CNTNAP2: variants seen among roughly 807,000 people sequenced by gnomAD.
The protein encoded by CNTNAP2 is contactin associated protein 2.
In CNTNAP2, 98 loss-of-function variants were observed where a neutral mutation model predicts 155.2. The observed-to-expected ratio is 0.63, with a 90% CI of 0.54 to 0.75. CNTNAP2 has a LOEUF of 0.75. Among genes scored for constraint, CNTNAP2 ranks in the 30% least tolerant of loss-of-function variants. CNTNAP2 has a pLI of 0.00. For missense variants in CNTNAP2, 1,727 were observed against 1,688.1 expected, an observed-to-expected ratio of 1.02 and a Z score of -0.40; for synonymous variants, 651 against 631.2, an observed-to-expected ratio of 1.03 and a Z score of -0.47.
chr7:147,507,207 G>A (rs1798921920), intron 11 of CNTNAP2, among the ~76,000 whole-genome samples: 1 of 152,102 alleles, frequency 6.6e-6, no homozygotes, highest in African/African-American at 2.4e-5. Flanking sequence ...TAATATTAGT[G>A]TTTGTAGGTG....
chr7:147,307,591 C>CA (rs1435355102), intron 9 of CNTNAP2, among the ~76,000 whole-genome samples: 3 of 86,308 alleles, frequency 3.5e-5, no homozygotes, highest in African/African-American at 1.8e-4. Context: ...ACCCCACCTG[C>CA]CCCCCCAAAA....
chr7:147,751,714 A>G lies in CNTNAP2; in HGVS notation c.2098+112408A>G, dbSNP rs142715396. Among the ~76,000 whole-genome samples the G allele has an allele frequency of 2.6e-5, 4 of 152,376 alleles. No homozygotes were observed. The East Asian group carries it at 7.7e-4, about 29-fold the overall frequency. On this transcript the variant is annotated intron_variant, in intron 13 of 23. Transcript: ENST00000361727. ...ACGACATCAAAAATATACACAGCCT[A>G]TGATAATCACAGCCCCGAACTTGGA... is the stretch of plus-strand genomic sequence containing the variant.
At chr7:146,337,323 G>A (rs1050195612) in intron 1 of CNTNAP2, among the ~76,000 whole-genome samples, 2 of 150,112 alleles carry the variant, frequency 1.3e-5, no homozygotes, top group Non-Finnish European at 3.0e-5. Context: ...AACAAACTAC[G>A]TAAAGAGTGT....
chr7:148,124,766 A>G (rs989910780), intron 16 of CNTNAP2, among the ~76,000 whole-genome samples: 1 of 152,226 alleles, frequency 6.6e-6, no homozygotes, highest in Non-Finnish European at 1.5e-5. Context: ...GAATCCAGAT[A>G]TGGTGCATTT....
intron 3 of CNTNAP2, among the ~76,000 whole-genome samples, chr7:147,030,389 C>A (rs761134393): frequency 2.0e-5 from 3 of 152,074 alleles, no homozygotes; most frequent in Non-Finnish European, 4.4e-5. Flanking sequence ...TTAAGATGAG[C>A]CTTGAAACTA....
At chr7:146,924,524 G>A (rs990246561) in intron 3 of CNTNAP2, among the ~76,000 whole-genome samples, 1 of 152,098 alleles carries the variant, frequency 6.6e-6, no homozygotes, top group East Asian at 1.9e-4. Context: ...TTCCTTAGGA[G>A]GTCAGCAGAG....
At chr7:147,509,572 A>G (rs1041835414) in intron 11 of CNTNAP2, among the ~76,000 whole-genome samples, 1 of 152,100 alleles carries the variant, frequency 6.6e-6, no homozygotes, top group Non-Finnish European at 1.5e-5. Flanking sequence ...AGAACCTGAT[A>G]TTAGTCACAT....
At chr7:148,397,911 A>C (rs920511104) in intron 22 of CNTNAP2, among the ~76,000 whole-genome samples, 7 of 152,238 alleles carry the variant, frequency 4.6e-5, no homozygotes, top group African/African-American at 1.7e-4. Flanking sequence ...TTAACTCAAG[A>C]AGAGAACAGC....
At position 147,443,602 on chromosome 7, in the gene CNTNAP2, G is replaced by A. The variant is rs150577153; in HGVS notation, c.1671-42333G>A. ...TCGGTGTCCTAGTAGGGGGATGATCGGTAGAGGCTTCTTGCTCTGCCCTCT... is the reference window on the plus strand; with the variant it reads ...TCGGTGTCCTAGTAGGGGGATGATCAGTAGAGGCTTCTTGCTCTGCCCTCT... On this transcript the variant is annotated intron_variant, in intron 10 of 23. Coordinates refer to ENST00000361727, the MANE Select transcript of CNTNAP2 (RefSeq NM_014141.6). Among the ~76,000 whole-genome samples, 668 of 152,176 alleles carry A rather than the reference G, an allele frequency of 4.4e-3. 14 individuals carry two copies. Among genetic ancestry groups the A allele is most frequent in the Admixed American group, 0.036 (550 of 15,288 alleles).
At chr7:146,246,818 G>A (rs996389726) in intron 1 of CNTNAP2, among the ~76,000 whole-genome samples, 6 of 152,298 alleles carry the variant, frequency 3.9e-5, no homozygotes, top group African/African-American at 9.6e-5. Flanking sequence ...TCCTTGGCCT[G>A]GTGGCCAGAT....
intron 13 of CNTNAP2, among the ~76,000 whole-genome samples, chr7:147,732,119 T>A (rs747159582): frequency 1.3e-5 from 2 of 152,130 alleles, no homozygotes; most frequent in Non-Finnish European, 2.9e-5. Flanking sequence ...ACATGTGCCA[T>A]GTTGGTGTGC....
chr7:147,352,761 A>AT (rs906544347), intron 9 of CNTNAP2, among the ~76,000 whole-genome samples: 4 of 151,902 alleles, frequency 2.6e-5, no homozygotes, highest in Non-Finnish European at 5.9e-5. Flanking sequence ...GCAAAAGTAT[A>AT]TTTTTTCCAC....
chr7:147,215,519 T>C (rs1171645995), intron 8 of CNTNAP2, among the ~76,000 whole-genome samples: 1 of 152,162 alleles, frequency 6.6e-6, no homozygotes, highest in Non-Finnish European at 1.5e-5. Flanking sequence ...TTTCATGGCA[T>C]TTTTTTCAGT....
intron 12 of CNTNAP2, among the ~76,000 whole-genome samples, chr7:147,564,211 G>T (rs887805551): frequency 1.3e-5 from 2 of 151,718 alleles, no homozygotes; most frequent in African/African-American, 4.8e-5. Flanking sequence ...GGGAACTAGC[G>T]TCCCCCTAAA....
At chr7:148,060,250 A>T (rs914059477) in intron 15 of CNTNAP2, among the ~76,000 whole-genome samples, 1 of 152,186 alleles carries the variant, frequency 6.6e-6, no homozygotes, top group Admixed American at 6.5e-5. Context: ...ACTGCTTTAA[A>T]TGATTTTAAA....
chr7:146,636,796 C>A (rs2129160105), intron 1 of CNTNAP2, among the ~76,000 whole-genome samples: 1 of 152,328 alleles, frequency 6.6e-6, no homozygotes, highest in East Asian at 1.9e-4. Flanking sequence ...TCTGGCATTT[C>A]ATTTGTTTGT....
chr7:146,201,748 T>C (rs1798866298), intron 1 of CNTNAP2, among the ~76,000 whole-genome samples: 1 of 151,922 alleles, frequency 6.6e-6, no homozygotes. Context: ...GTGTTTGGAA[T>C]CATACATAAT....
chr7:146,632,097 A>G (rs904264056), intron 1 of CNTNAP2, among the ~76,000 whole-genome samples: 5 of 152,210 alleles, frequency 3.3e-5, no homozygotes, highest in Non-Finnish European at 7.3e-5. Flanking sequence ...GATGATGGAC[A>G]TGTCACTATG....
At chr7:147,010,022 T>C (rs1798595130) in intron 3 of CNTNAP2, among the ~76,000 whole-genome samples, 1 of 151,016 alleles carries the variant, frequency 6.6e-6, no homozygotes, top group African/African-American at 2.4e-5. Flanking sequence ...TTTTTTTTTT[T>C]TTTTTGAGAC....
Sources: allele counts gnomAD v4.1 joint callset (sites outside exome capture counted in the v4.1 genomes callset), GRCh38; gene constraint gnomAD v4.1.1; transcripts MANE v1.5; gene names NCBI Gene and HGNC (gene_info 2026-07-23, HGNC 2026-07-21).